SPATA16: variants seen among roughly 807,000 people sequenced by gnomAD.
The protein encoded by SPATA16 is spermatogenesis associated 16, also known as spermatogenesis-associated protein 16.
Under a neutral mutation model 63.3 loss-of-function variants are expected in SPATA16, and 36 were observed. The observed-to-expected ratio is 0.57, with a 90% CI of 0.44 to 0.75. The LOEUF is 0.75. SPATA16 is among the 30% of genes least tolerant of loss of function. The pLI, the probability that SPATA16 is intolerant of heterozygous loss-of-function variation, is 0.00. For synonymous variants in SPATA16, 203 were observed against 216.7 expected, an observed-to-expected ratio of 0.94 and a Z score of 0.56; for missense variants, 646 against 679.3, an observed-to-expected ratio of 0.95 and a Z score of 0.54.
In SPATA16 at chr3:172,925,549, G is replaced by A. The variant is rs139979680; in HGVS notation, c.1082-57C>T. 949 of 1,609,064 alleles carry A rather than the reference G, an allele frequency of 5.9e-4. 13 individuals carry two copies. The East Asian group carries it at 0.019, about 33-fold the overall frequency. Reference sequence around the variant, plus strand: ...TTTGTTATGGTTTTAATATTTTTAGGGTTTTCCCCCCCAGATTTCAGGAAT... The same window carrying A: ...TTTGTTATGGTTTTAATATTTTTAGAGTTTTCCCCCCCAGATTTCAGGAAT... On this transcript the variant is annotated intron_variant, in intron 6 of 10. Coordinates refer to ENST00000351008, the MANE Select transcript of SPATA16 (RefSeq NM_031955.6).
intron 4 of SPATA16, among the ~76,000 whole-genome samples, chr3:172,990,130 TCTTA>T (rs1161481993): frequency 1.3e-5 from 2 of 152,222 alleles, no homozygotes; most frequent in Admixed American, 6.5e-5. Flanking sequence ...AGGGATCATG[TCTTA>T]CTTATTATGA....
intron 7 of SPATA16, among the ~76,000 whole-genome samples, chr3:172,924,936 T>TA (rs1353717360): frequency 1.3e-5 from 2 of 152,204 alleles, no homozygotes; most frequent in African/African-American, 4.8e-5. Flanking sequence ...CTTGGCTAAT[T>TA]ACATAAGAAA....
chr3:173,054,078 TTAATTA>T lies in SPATA16; in HGVS notation c.613-4990_613-4985del, dbSNP rs747106298. Among the ~76,000 whole-genome samples, 22 of 151,856 alleles carry T rather than the reference TTAATTA, an allele frequency of 1.4e-4. 1 individual carries two copies. The highest frequency in any genetic ancestry group is 2.5e-4 in the Non-Finnish European group (17 of 67,942). The stretch of plus-strand genomic sequence containing the variant: ...TTTAAAATTGGAAAATAAAAGTATA[TTAATTA>T]TAATTATATTATTACATGTTACAAT... On this transcript the variant is annotated intron_variant, in intron 2 of 10. Coordinates refer to ENST00000351008, the MANE Select transcript of SPATA16 (RefSeq NM_031955.6).
At chr3:172,937,043 G>C (rs1446074365) in intron 6 of SPATA16, among the ~76,000 whole-genome samples, 1 of 152,172 alleles carries the variant, frequency 6.6e-6, no homozygotes, top group Non-Finnish European at 1.5e-5. Context: ...TTAACCTACA[G>C]GGTTTCCAGG....
At chr3:172,946,383 G>T (rs1733288265) in intron 6 of SPATA16, among the ~76,000 whole-genome samples, 2 of 152,180 alleles carry the variant, frequency 1.3e-5, no homozygotes. Context: ...AGTCAAGCAG[G>T]CTCCTGTGGT....
At chr3:172,980,644 G>A (rs1298181485) in intron 4 of SPATA16, among the ~76,000 whole-genome samples, 1 of 151,986 alleles carries the variant, frequency 6.6e-6, no homozygotes, top group African/African-American at 2.4e-5. Flanking sequence ...ATCCAATCGC[G>A]CCTAATCATG....
intron 6 of SPATA16, among the ~76,000 whole-genome samples, chr3:172,954,752 A>G (rs1490856504): frequency 1.3e-5 from 2 of 152,200 alleles, no homozygotes; most frequent in African/African-American, 4.8e-5. Flanking sequence ...TATTCCAGCA[A>G]TGGCTTTGGG....
At chr3:173,002,528 G>A in intron 4 of SPATA16, among the ~76,000 whole-genome samples, 1 of 151,976 alleles carries the variant, frequency 6.6e-6, no homozygotes, top group Non-Finnish European at 1.5e-5. Flanking sequence ...GTCTTCCTTG[G>A]GAATTCCTAA....
At chr3:173,116,012 C>T (rs1055249548) in intron 2 of SPATA16, among the ~76,000 whole-genome samples, 1 of 152,010 alleles carries the variant, frequency 6.6e-6, no homozygotes, top group Non-Finnish European at 1.5e-5. Flanking sequence ...TTCACCTCAG[C>T]CTCCTGTTGT....
At chr3:172,898,151 G>A (rs552246598) in intron 10 of SPATA16, among the ~76,000 whole-genome samples, 2 of 151,976 alleles carry the variant, frequency 1.3e-5, no homozygotes, top group South Asian at 4.1e-4. Flanking sequence ...AATTCTATTT[G>A]TTAATGATGT....
intron 2 of SPATA16, among the ~76,000 whole-genome samples, chr3:173,082,145 C>T (rs1350131768): frequency 6.6e-6 from 1 of 152,126 alleles, no homozygotes; most frequent in Admixed American, 6.5e-5. Flanking sequence ...CACCTTGTAC[C>T]AGGCGTACCC....
At chr3:172,899,152 A>C (rs538196305) in intron 10 of SPATA16, among the ~76,000 whole-genome samples, 1 of 152,076 alleles carries the variant, frequency 6.6e-6, no homozygotes, top group African/African-American at 2.4e-5. Context: ...CTGATGCTTG[A>C]TAGTGTTATT....
chr3:172,929,761 C>T (rs534768950), intron 6 of SPATA16, among the ~76,000 whole-genome samples: 9 of 152,296 alleles, frequency 5.9e-5, no homozygotes, highest in African/African-American at 1.7e-4. Flanking sequence ...AAATTTCCAC[C>T]AAATTCCAAC....
intron 2 of SPATA16, among the ~76,000 whole-genome samples, chr3:173,062,872 A>G (rs1313147810): frequency 1.3e-5 from 2 of 152,182 alleles, no homozygotes; most frequent in African/African-American, 2.4e-5. Flanking sequence ...CAACTTAGCT[A>G]GATCCCTCGC....
intron 10 of SPATA16, among the ~76,000 whole-genome samples, chr3:172,894,381 T>TA (rs1731960651): frequency 6.6e-6 from 1 of 151,970 alleles, no homozygotes; most frequent in African/African-American, 2.4e-5. Context: ...GACAAGCCCC[T>TA]AAGTTTTTTC....
rs1179565625 is a variant in SPATA16 at position 173,001,053 on chromosome 3, C to T, written c.848+18433G>A. 2.0e-5 allele frequency among the ~76,000 whole-genome samples: 3 copies of T among 152,146 alleles called. No homozygotes were observed. The South Asian group carries it at 6.2e-4, about 31-fold the overall frequency. ...ATTCTGGCTCTGATGGTTGTTCAGT[C>T]GTTCTCTTCAAACTGTGTTTTTAGC... On this transcript the variant is annotated intron_variant, in intron 4 of 10. Transcript: ENST00000351008.
At chr3:173,055,378 A>G (rs1736197134) in intron 2 of SPATA16, among the ~76,000 whole-genome samples, 1 of 152,246 alleles carries the variant, frequency 6.6e-6, no homozygotes, top group Non-Finnish European at 1.5e-5. Flanking sequence ...AGTGATCTAG[A>G]TGTCCTTCAA....
chr3:172,969,815 T>C (rs757453804), intron 5 of SPATA16, among the ~76,000 whole-genome samples: 1 of 152,178 alleles, frequency 6.6e-6, no homozygotes, highest in Non-Finnish European at 1.5e-5. Context: ...CTTTGGCTAA[T>C]AGAATGTTAG....
At chr3:173,019,908 T>G (rs528721814) in intron 3 of SPATA16, among the ~76,000 whole-genome samples, 1 of 152,104 alleles carries the variant, frequency 6.6e-6, no homozygotes, top group East Asian at 1.9e-4. Context: ...AATTTTTATT[T>G]CAATAAATCA....
Sources: allele counts gnomAD v4.1 joint callset (sites outside exome capture counted in the v4.1 genomes callset), GRCh38; gene constraint gnomAD v4.1.1; transcripts MANE v1.5; gene names NCBI Gene and HGNC (gene_info 2026-07-23, HGNC 2026-07-21).